Variants in BANK1 observed in about 807,000 individuals in gnomAD.
BANK1 encodes the protein B cell scaffold protein with ankyrin repeats 1, also known as B-cell scaffold protein with ankyrin repeats.
In BANK1, 95 loss-of-function variants were observed where a neutral mutation model predicts 94.5. The observed-to-expected ratio is 1.00, with a 90% CI of 0.85 to 1.19. The LOEUF (loss-of-function observed/expected upper bound fraction) is 1.19. Among genes scored for constraint, BANK1 ranks in the 50% most tolerant of loss-of-function variants. The pLI is 0.00. For synonymous variants in BANK1, 334 were observed against 308.4 expected, an observed-to-expected ratio of 1.08 and a Z score of -0.87; for missense variants, 987 against 932.2, an observed-to-expected ratio of 1.06 and a Z score of -0.77.
intron 2 of BANK1, among the ~76,000 whole-genome samples, chr4:101,850,297 A>T (rs1177805866): frequency 6.6e-6 from 1 of 151,646 alleles, no homozygotes; most frequent in African/African-American, 2.4e-5. Flanking sequence ...TTTGAGAGGG[A>T]GTCTTGCTTT....
chr4:101,965,699 A>G (rs1724728535), intron 7 of BANK1, among the ~76,000 whole-genome samples: 2 of 152,050 alleles, frequency 1.3e-5, no homozygotes, highest in Admixed American at 1.3e-4. Context: ...CTTCTCTGCA[A>G]AAACCACAGC....
rs182329740 is a variant in BANK1, at chr4:101,974,784, C to T, written c.1207-46730C>T. On this transcript the variant is annotated intron_variant, in intron 7 of 16. Coordinates refer to ENST00000322953, the MANE Select transcript of BANK1 (RefSeq NM_017935.5). ...CCAACATGGTGAAACCCCATCTTTA[C>T]TAAAAATACAAAAAAAAAAAAAATT... Among the ~76,000 whole-genome samples, 700 of 87,588 alleles carry T rather than the reference C, an allele frequency of 8.0e-3. 13 individuals are homozygous for T. Among genetic ancestry groups the T allele is most frequent in the East Asian group, 0.079 (290 of 3,678 alleles). 57.5% of individuals were successfully genotyped at this position (87,588 alleles called of 152,430 possible).
chr4:101,850,147 G>A (rs572176695), intron 2 of BANK1, among the ~76,000 whole-genome samples: 3 of 152,294 alleles, frequency 2.0e-5, no homozygotes, highest in Middle Eastern at 3.4e-3. Context: ...TAAAAGTCTT[G>A]ATAAACTGTA....
chr4:102,069,090 G>T (rs574875191), intron 13 of BANK1, among the ~76,000 whole-genome samples: 15 of 152,252 alleles, frequency 9.9e-5, no homozygotes, highest in Middle Eastern at 3.4e-3. Flanking sequence ...ATGTATTATG[G>T]ATAATGAGAG....
At chr4:102,071,491 T>C (rs1217386987) in intron 14 of BANK1, among the ~76,000 whole-genome samples, 187 bp downstream of exon 14, 1 of 152,162 alleles carries the variant, frequency 6.6e-6, no homozygotes, top group Non-Finnish European at 1.5e-5. Context: ...ATAGAAACAC[T>C]GAAGGCACCA....
intron 7 of BANK1, among the ~76,000 whole-genome samples, chr4:101,977,282 A>G (rs1431749201): frequency 6.6e-6 from 1 of 152,172 alleles, no homozygotes; most frequent in African/African-American, 2.4e-5. Context: ...AATGTGGTGA[A>G]TCACACACTG....
rs1002902923 is a variant in BANK1, at chr4:101,944,332, C to A, written c.1206+26143C>A. Reference sequence around the variant, plus strand: ...CTCCCAGTCTTCCCTCAGCTTCAGCCATTTGGACCTCCCTTGGCTCATCCA... The same window carrying A: ...CTCCCAGTCTTCCCTCAGCTTCAGCAATTTGGACCTCCCTTGGCTCATCCA... On this transcript the variant is annotated intron_variant, in intron 7 of 16. Transcript: ENST00000322953. Among the ~76,000 whole-genome samples the A allele has an allele frequency of 3.3e-5, 5 of 151,962 alleles. No individual in the cohort carries two copies. The East Asian group carries it at 5.9e-4, about 18-fold the overall frequency.
At chr4:102,055,748 A>G (rs969975556) in intron 11 of BANK1, among the ~76,000 whole-genome samples, 6 of 152,140 alleles carry the variant, frequency 3.9e-5, no homozygotes, top group African/African-American at 1.4e-4. Flanking sequence ...AAAAGTACCT[A>G]TTAAAAAGAT....
chr4:101,807,418 G>A (rs1365105606), intron 1 of BANK1, among the ~76,000 whole-genome samples: 1 of 152,148 alleles, frequency 6.6e-6, no homozygotes, highest in Admixed American at 6.5e-5. Flanking sequence ...CTCTTTGATA[G>A]TGTTGGAATT....
At chr4:101,802,027 G>A (rs1411509773) in intron 1 of BANK1, among the ~76,000 whole-genome samples, 1 of 152,178 alleles carries the variant, frequency 6.6e-6, no homozygotes, top group African/African-American at 2.4e-5. Flanking sequence ...TGGCAAGCCA[G>A]GGTGGTCTTG....
chr4:101,835,276 T>C (rs1726780834), intron 2 of BANK1, among the ~76,000 whole-genome samples: 1 of 152,258 alleles, frequency 6.6e-6, no homozygotes. Context: ...TGAATCCTTC[T>C]GGTTTTCAGG....
At chr4:101,917,439 C>G (rs1722864141) in intron 6 of BANK1, among the ~76,000 whole-genome samples, 1 of 151,758 alleles carries the variant, frequency 6.6e-6, no homozygotes, top group East Asian at 1.9e-4. Flanking sequence ...GTTGTAAAAT[C>G]CAGATGGAAA....
In BANK1 at chr4:102,060,325, A is replaced by G. The variant is rs1259716498; in HGVS notation, c.2084A>G (p.Asp695Gly). 9.3e-6 allele frequency: 15 copies of G among 1,610,364 alleles called. No homozygotes were observed. The highest frequency in any genetic ancestry group is 1.3e-5 in the Non-Finnish European group (15 of 1,178,808). ...EKVKNGKMSM[D>G]EALEKFKHWQ... The stretch of plus-strand genomic sequence containing the variant: ...GTAAAGAATGGGAAAATGTCTATGG[A>G]TGAAGCTCTGGAGAAATTTAAACAC... Residue 695 changes from aspartate (D) to glycine (G), a missense_variant, in exon 12 of 17, where the codon GAT becomes GGT. Transcript: ENST00000322953.
chr4:101,951,729 T>G (rs1167496122), intron 7 of BANK1, among the ~76,000 whole-genome samples: 1 of 152,070 alleles, frequency 6.6e-6, no homozygotes, highest in Admixed American at 6.6e-5. Context: ...AAACTGCATA[T>G]GAAGCAATAG....
intron 7 of BANK1, among the ~76,000 whole-genome samples, chr4:101,938,589 C>A (rs1490793733): frequency 6.6e-6 from 1 of 150,912 alleles, no homozygotes; most frequent in Non-Finnish European, 1.5e-5. Context: ...TACTATGTAC[C>A]CCAAAAGATT....
chr4:101,828,218 C>A (rs1334666922), intron 1 of BANK1, among the ~76,000 whole-genome samples: 1 of 151,418 alleles, frequency 6.6e-6, no homozygotes, highest in Non-Finnish European at 1.5e-5. Context: ...TAGACCTGTC[C>A]AACCTCCATT....
intron 4 of BANK1, among the ~76,000 whole-genome samples, chr4:101,864,946 C>T (rs1396353219): frequency 6.6e-6 from 1 of 151,970 alleles, no homozygotes; most frequent in Non-Finnish European, 1.5e-5. Flanking sequence ...GAAGGGAGAC[C>T]TTTTTTGGTT....
intron 10 of BANK1, 38 bp from the exon 11 acceptor site, chr4:102,043,801 T>C (rs1295814398): frequency 3.6e-6 from 5 of 1,404,516 alleles, no homozygotes; most frequent in African/African-American, 1.4e-5. Flanking sequence ...TTTTGAACGT[T>C]TATGTTCAGT....
At chr4:101,813,556 G>C (rs1725794745) in intron 1 of BANK1, among the ~76,000 whole-genome samples, 1 of 152,168 alleles carries the variant, frequency 6.6e-6, no homozygotes, top group African/African-American at 2.4e-5. Flanking sequence ...TGGAAATTCT[G>C]ATTTGATCAA....
Sources: gnomAD v4.1 joint callset for allele counts (sites outside exome capture counted in the v4.1 genomes callset) on GRCh38, gnomAD v4.1.1 for gene constraint, MANE v1.5 for transcripts, NCBI Gene and HGNC (gene_info 2026-07-23, HGNC 2026-07-21) for gene names.